Variants in TENM3 observed in about 807,000 individuals in gnomAD.
TENM3 encodes teneurin transmembrane protein 3.
TENM3 carries 63 observed loss-of-function variants against 255.1 expected under a neutral mutation model. That is an observed-to-expected ratio of 0.25 (90% CI 0.20 to 0.30). The LOEUF (loss-of-function observed/expected upper bound fraction) is 0.30, where lower values mean the gene tolerates loss of function less well. Ranked by LOEUF, TENM3 falls within the 10% of genes least tolerant of loss-of-function variation. The pLI is 1.00. For missense variants in TENM3, 2,929 were observed against 3,461.1 expected, an observed-to-expected ratio of 0.85 and a Z score of 3.86; for synonymous variants, 1,306 against 1,322.3, an observed-to-expected ratio of 0.99 and a Z score of 0.27.
At chr4:181,559,619 T>C in the TENM3 span, among the ~76,000 whole-genome samples, 2 of 152,262 alleles carry the variant, frequency 1.3e-5, no homozygotes, top group African/African-American at 4.8e-5. Flanking sequence ...GAACAGTGCC[T>C]GGCATATACT....
intron 3 of TENM3, among the ~76,000 whole-genome samples, chr4:182,492,120 G>C (rs1735357231): frequency 6.6e-6 from 1 of 151,956 alleles, no homozygotes; most frequent in African/African-American, 2.4e-5. Context: ...AGACAATAAG[G>C]GTAGGATCTC....
chr4:182,621,642 A>G (rs1445017283), intron 4 of TENM3, among the ~76,000 whole-genome samples: 30 of 105,118 alleles, frequency 2.9e-4, no homozygotes, highest in African/African-American at 1.1e-3. Flanking sequence ...ATAATATATA[A>G]TACATATTAT....
At chr4:182,680,836 CT>C (rs1258528765) in intron 10 of TENM3, 99 bp downstream of exon 10, 23 of 884,178 alleles carry the variant, frequency 2.6e-5, no homozygotes, top group Non-Finnish European at 6.3e-6. Flanking sequence ...TATACGCTTC[CT>C]TTTGAAAGCA....
At chr4:182,227,040 C>T (rs1756204842) in intron 1 of TENM3, among the ~76,000 whole-genome samples, 1 of 152,074 alleles carries the variant, frequency 6.6e-6, no homozygotes, top group Admixed American at 6.6e-5. Context: ...CCTGCTGCTG[C>T]TCTCCTTTTA....
chr4:181,661,401 T>C, the TENM3 span, among the ~76,000 whole-genome samples: 1 of 152,172 alleles, frequency 6.6e-6, no homozygotes, highest in Non-Finnish European at 1.5e-5. Flanking sequence ...TGAGAAATTA[T>C]TTGAGACAAC....
chr4:182,514,920 C>T (rs1269343477), intron 3 of TENM3, among the ~76,000 whole-genome samples: 1 of 152,124 alleles, frequency 6.6e-6, no homozygotes, highest in Non-Finnish European at 1.5e-5. Flanking sequence ...AGAGAGGAAG[C>T]AGCAAGAGAG....
At chr4:182,222,876 T>C (rs531680644) in intron 1 of TENM3, among the ~76,000 whole-genome samples, 2 of 152,200 alleles carry the variant, frequency 1.3e-5, no homozygotes, top group African/African-American at 4.8e-5. Context: ...TTAAGGGGCC[T>C]TCTCTTGTCC....
chr4:182,194,279 GC>G (rs2149798431), intron 1 of TENM3, among the ~76,000 whole-genome samples: 1 of 152,276 alleles, frequency 6.6e-6, no homozygotes, highest in Admixed American at 6.5e-5. Flanking sequence ...TGTTAAGTGA[GC>G]CTTCTGATTG....
chr4:181,590,116 C>T, the TENM3 span, among the ~76,000 whole-genome samples: 3 of 152,116 alleles, frequency 2.0e-5, no homozygotes, highest in East Asian at 1.9e-4. Context: ...CATTTTTATT[C>T]GTACCCACAA....
chr4:181,537,388 C>T, the TENM3 span, among the ~76,000 whole-genome samples: 12 of 152,050 alleles, frequency 7.9e-5, no homozygotes, highest in Admixed American at 1.3e-4. Context: ...CTAGCAGGGA[C>T]GAAATTAACC....
At chr4:182,177,958 GTTT>G (rs56256529) in intron 1 of TENM3, among the ~76,000 whole-genome samples, 2 of 117,120 alleles carry the variant, frequency 1.7e-5, no homozygotes, top group Non-Finnish European at 1.8e-5. Flanking sequence ...TTTGGTTTTT[GTTT>G]TTTTTTTTTT....
At chr4:181,839,344 G>GGT in the TENM3 span, among the ~76,000 whole-genome samples, 2 of 43,896 alleles carry the variant, frequency 4.6e-5, no homozygotes, top group African/African-American at 1.8e-4. Flanking sequence ...ATGTATTGAG[G>GGT]GTATATATAT....
intron 3 of TENM3, among the ~76,000 whole-genome samples, chr4:182,598,961 G>A (rs1035993966): frequency 2.6e-5 from 4 of 151,976 alleles, no homozygotes; most frequent in Non-Finnish European, 5.9e-5. Context: ...ATTCTTTCAT[G>A]GCATCATGGA....
At chr4:181,887,511 G>A in the TENM3 span, among the ~76,000 whole-genome samples, 2 of 151,928 alleles carry the variant, frequency 1.3e-5, no homozygotes, top group Non-Finnish European at 2.9e-5. Flanking sequence ...CTTTCTCTGT[G>A]CCTCTCTATC....
chr4:181,761,170 A>C, the TENM3 span, among the ~76,000 whole-genome samples: 1 of 152,184 alleles, frequency 6.6e-6, no homozygotes, highest in South Asian at 2.1e-4. Context: ...TATTTTTACT[A>C]TCGACTATAC....
intron 3 of TENM3, among the ~76,000 whole-genome samples, chr4:182,473,578 C>G (rs1293660597): frequency 6.6e-6 from 1 of 152,046 alleles, no homozygotes; most frequent in Non-Finnish European, 1.5e-5. Context: ...GAGGCTGAGG[C>G]AAGTGAATGG....
chr4:182,447,838 G>T (rs1475536913), intron 3 of TENM3, among the ~76,000 whole-genome samples: 1 of 152,156 alleles, frequency 6.6e-6, no homozygotes, highest in South Asian at 2.1e-4. Flanking sequence ...TCAATTCTCA[G>T]TTTAATGGAG....
intron 4 of TENM3, among the ~76,000 whole-genome samples, chr4:182,607,600 A>G (rs968191453): frequency 6.6e-6 from 1 of 152,210 alleles, no homozygotes; most frequent in Non-Finnish European, 1.5e-5. Context: ...TATTTAAGGT[A>G]TTGAACGCTT....
chr4:182,715,866 C>G (rs371668385), intron 13 of TENM3, among the ~76,000 whole-genome samples: 18 of 152,186 alleles, frequency 1.2e-4, no homozygotes, highest in African/African-American at 4.1e-4. Context: ...CAATTCTCTC[C>G]TTTAGTTTCT....
Sources: allele counts gnomAD v4.1 joint callset (sites outside exome capture counted in the v4.1 genomes callset), GRCh38; gene constraint gnomAD v4.1.1; transcripts MANE v1.5; gene names NCBI Gene and HGNC (gene_info 2026-07-23, HGNC 2026-07-21).